Variants in PRDM2 observed in about 807,000 individuals in gnomAD.
PRDM2 encodes PR/SET domain 2, also known as PR domain zinc finger protein 2.
In PRDM2, 30 loss-of-function variants were observed where a neutral mutation model predicts 130.0. The observed-to-expected ratio is 0.23, with a 90% CI of 0.17 to 0.31. PRDM2 has a LOEUF of 0.31. Ranked by LOEUF, PRDM2 falls within the 10% of genes least tolerant of loss-of-function variation. The pLI is 1.00. For synonymous variants in PRDM2, 871 were observed against 782.4 expected, an observed-to-expected ratio of 1.11 and a Z score of -1.89; for missense variants, 2,011 against 2,108.4, an observed-to-expected ratio of 0.95 and a Z score of 0.90.
chr1:13,715,564 C>A lies in PRDM2; in HGVS notation c.-42C>A. On this transcript the variant is annotated 5_prime_UTR_variant, in exon 2 of 10. Coordinates refer to ENST00000311066, the MANE Select transcript of PRDM2 (RefSeq NM_001393986.1). The stretch of plus-strand genomic sequence containing the variant: ...AGGGTTCATGTAATCAAAGAAGTTT[C>A]TTTGTTGTGTGTATCTTTACAGAAC... 1 of 1,531,378 alleles carries A rather than the reference C, an allele frequency of 6.5e-7. No homozygotes were observed. Among genetic ancestry groups the A allele is most frequent in the South Asian group, 1.3e-5 (1 of 78,948 alleles). The allele number at this position is 1,531,378 out of a possible 1,614,324, so 94.9% of individuals were successfully genotyped here.
In PRDM2 at chr1:13,741,989, T is replaced by C. The variant is rs757155535; in HGVS notation, c.232-16T>C. The C allele has an allele frequency of 3.3e-6, 5 of 1,514,416 alleles. No homozygotes were observed. Among genetic ancestry groups the C allele is most frequent in the Non-Finnish European group, 4.5e-6 (5 of 1,100,616 alleles). The allele number at this position is 1,514,416 out of a possible 1,614,324, so 93.8% of individuals were successfully genotyped here. A position where few individuals can be genotyped will look rare whatever the true frequency, so the allele number is the denominator to read the frequency against. On this transcript the variant is annotated splice_polypyrimidine_tract_variant and intron_variant, in intron 4 of 9. Coordinates refer to ENST00000311066, the MANE Select transcript of PRDM2 (RefSeq NM_001393986.1). ...CCTATTTTAACAAAAGTTTTTTACT[T>C]TTCTCCATTTTCAAGGTGTATTACC...
chr1:13,725,732 T>A (rs1226548298), intron 2 of PRDM2, among the ~76,000 whole-genome samples: 1 of 152,228 alleles, frequency 6.6e-6, no homozygotes, highest in African/African-American at 2.4e-5. Context: ...AACTCCACTC[T>A]ACACATCTGA....
chr1:13,820,459 G>A (rs1002845211), intron 9 of PRDM2, among the ~76,000 whole-genome samples: 1 of 152,174 alleles, frequency 6.6e-6, no homozygotes, highest in Non-Finnish European at 1.5e-5. Flanking sequence ...TCTATAGGGA[G>A]GCTTCCTTTG....
chr1:13,747,769 C>CAAAAAAAAAAAAAAAAA (rs78988090), intron 5 of PRDM2, among the ~76,000 whole-genome samples: 8 of 48,346 alleles, frequency 1.7e-4, no homozygotes, highest in Non-Finnish European at 2.3e-4. Flanking sequence ...TCCCTCCCCG[C>CAAAAAAAAAAAAAAAAA]AAAAAAAAAA....
At chr1:13,789,234 C>A (rs1454669254) in intron 8 of PRDM2, among the ~76,000 whole-genome samples, 1 of 152,208 alleles carries the variant, frequency 6.6e-6, no homozygotes, top group Non-Finnish European at 1.5e-5. Flanking sequence ...CTAATTAGAG[C>A]CTTCCATCCC....
intron 1 of PRDM2, among the ~76,000 whole-genome samples, chr1:13,708,304 C>T (rs983075492): frequency 7.2e-5 from 11 of 152,042 alleles, no homozygotes; most frequent in African/African-American, 2.7e-4. Context: ...CCTTATTTGC[C>T]ATTTTGATAT....
chr1:13,761,471 A>G (rs77983675), intron 6 of PRDM2, among the ~76,000 whole-genome samples: 65 of 152,334 alleles, frequency 4.3e-4, no homozygotes, highest in African/African-American at 1.4e-3. Flanking sequence ...TCTGTGCAGC[A>G]TCTTGACTGG....
intron 8 of PRDM2, among the ~76,000 whole-genome samples, chr1:13,810,401 T>C (rs1350166316): frequency 6.6e-6 from 1 of 152,252 alleles, no homozygotes; most frequent in Non-Finnish European, 1.5e-5. Context: ...TCTGATTGGC[T>C]GTGGACTTGT....
At chr1:13,728,819 TC>T (rs1356851315) in intron 2 of PRDM2, among the ~76,000 whole-genome samples, 5 of 152,176 alleles carry the variant, frequency 3.3e-5, no homozygotes, top group African/African-American at 1.2e-4. Context: ...CTTCATGTTC[TC>T]GGGCGCTTCA....
intron 8 of PRDM2, among the ~76,000 whole-genome samples, chr1:13,815,876 A>T (rs1570127484): frequency 1.3e-5 from 2 of 152,150 alleles, no homozygotes; most frequent in South Asian, 4.1e-4. Flanking sequence ...TTGGCACAGG[A>T]TAGATGTGGA....
At chr1:13,721,159 C>G (rs1312933298) in intron 2 of PRDM2, among the ~76,000 whole-genome samples, 3 of 152,102 alleles carry the variant, frequency 2.0e-5, no homozygotes, top group African/African-American at 7.2e-5. Context: ...TATACTGTTT[C>G]TGAGATTCAG....
intron 6 of PRDM2, among the ~76,000 whole-genome samples, chr1:13,754,962 T>A (rs1019747424): frequency 6.6e-6 from 1 of 152,162 alleles, no homozygotes; most frequent in African/African-American, 2.4e-5. Flanking sequence ...TGTAGCTTTC[T>A]GGCTGCCTCC....
intron 1 of PRDM2, among the ~76,000 whole-genome samples, chr1:13,713,985 C>T (rs1642456385): frequency 6.6e-6 from 1 of 152,182 alleles, no homozygotes; most frequent in South Asian, 2.1e-4. Flanking sequence ...TCTCCTGCCT[C>T]AGCCTCCCGA....
chr1:13,780,133 G>A lies in PRDM2; in HGVS notation c.2338G>A (p.Asp780Asn), dbSNP rs763450411. The A allele has an allele frequency of 5.0e-6, 8 of 1,610,608 alleles. No individual in the cohort carries two copies. Among genetic ancestry groups the A allele is most frequent in the East Asian group, 4.5e-5 (2 of 44,846 alleles). ...SKKSKLESHS[D>N]SPAWSLSGRD... ...AAAATCCAAATTAGAAAGTCACAGC[G>A]ACTCACCAGCATGGAGTTTGTCTGG... The change falls in exon 8 of 10, where the codon GAC becomes AAC. Residue 780 changes from aspartate (D) to asparagine (N), a missense_variant. Around this residue, in one of 5 missense-constraint regions of PRDM2, gnomAD observed 1,288 missense variants for 1,237.7 expected, o/e 1.04. Coordinates refer to ENST00000311066, the MANE Select transcript of PRDM2 (RefSeq NM_001393986.1).
chr1:13,712,076 T>TAAACC (rs1642387392), intron 1 of PRDM2, among the ~76,000 whole-genome samples: 1 of 147,966 alleles, frequency 6.8e-6, no homozygotes. Context: ...AAAAAAAAAT[T>TAAACC]AGCCAGGCAT....
At chr1:13,787,926 G>C (rs1644774424) in intron 8 of PRDM2, 2 of 985,350 alleles carry the variant, frequency 2.0e-6, no homozygotes, top group Non-Finnish European at 2.4e-6. Context: ...AGTGGTGTTT[G>C]TTGTTTTTCC....
intron 1 of PRDM2, among the ~76,000 whole-genome samples, chr1:13,712,265 T>A (rs1022950711): frequency 2.6e-5 from 4 of 152,274 alleles, no homozygotes; most frequent in Non-Finnish European, 5.9e-5. Context: ...GATAATCAAA[T>A]AATGCAATGT....
chr1:13,700,593 C>T (rs879492128), intron 1 of PRDM2, among the ~76,000 whole-genome samples: 10 of 151,408 alleles, frequency 6.6e-5, no homozygotes, highest in Admixed American at 5.9e-4. Flanking sequence ...CCGTGAAGAG[C>T]CGCGCGCCCC....
intron 8 of PRDM2, among the ~76,000 whole-genome samples, chr1:13,791,289 GCTTTTAGTTTCCCTCT>G (rs1644834849): frequency 6.6e-6 from 1 of 152,120 alleles, no homozygotes; most frequent in Admixed American, 6.5e-5. Context: ...GGACCCATTT[GCTTTTAGTTTCCCTCT>G]CACTGTGGAA....
Sources: gnomAD v4.1 joint callset for allele counts (sites outside exome capture counted in the v4.1 genomes callset) on GRCh38, gnomAD v4.1.1 for gene constraint, gnomAD v4.1.1 regional missense constraint, MANE v1.5 for transcripts, NCBI Gene and HGNC (gene_info 2026-07-23, HGNC 2026-07-21) for gene names.